UPRT: variants seen among roughly 807,000 people sequenced by gnomAD.
The protein encoded by UPRT is uracil phosphoribosyltransferase homolog.
UPRT carries 5 observed loss-of-function variants against 22.6 expected under a neutral mutation model. That is an observed-to-expected ratio of 0.22 (90% CI 0.12 to 0.47). UPRT has a LOEUF of 0.47. Among genes scored for constraint, UPRT ranks in the 20% least tolerant of loss-of-function variants. The pLI is 0.99. For synonymous variants in UPRT, 77 were observed against 87.7 expected (o/e 0.88, Z 0.68); for missense variants, 181 against 239.9 (o/e 0.75, Z 1.62).
intron 3 of UPRT, among the ~76,000 whole-genome samples, chrX:75,297,007 C>T (rs948692067): frequency 3.6e-5 from 4 of 111,286 alleles, no homozygotes; most frequent in African/African-American, 6.5e-5. Flanking sequence ...CAGGATGAGA[C>T]CAAGAGTTGA....
chrX:75,167,320 T>C (rs2082215667), intron 3 of UPRT, among the ~76,000 whole-genome samples: 1 of 111,872 alleles, frequency 8.9e-6, no homozygotes, highest in African/African-American at 3.2e-5. Flanking sequence ...CATTTATATA[T>C]TCTGATATAA....
intron 4 of UPRT, among the ~76,000 whole-genome samples, chrX:75,177,485 C>T (rs777279917): frequency 4.5e-5 from 5 of 110,663 alleles, no homozygotes; most frequent in Non-Finnish European, 9.5e-5. Flanking sequence ...GACGCATTCT[C>T]AAAAACCTGT....
intron 4 of UPRT, among the ~76,000 whole-genome samples, chrX:75,188,006 G>A (rs1366145479): frequency 8.9e-6 from 1 of 112,059 alleles, no homozygotes; most frequent in African/African-American, 3.2e-5. Context: ...ATCGTCTGAA[G>A]CCTTCTTCTC....
chrX:75,203,332 C>T (rs1209621000), intron 4 of UPRT, among the ~76,000 whole-genome samples: 2 of 111,041 alleles, frequency 1.8e-5, no homozygotes, highest in African/African-American at 6.6e-5. Context: ...ACTCAGACTC[C>T]CATACAATAA....
intron 3 of UPRT, 126 bp from the exon 4 acceptor site, chrX:75,297,365 G>A: frequency 1.8e-6 from 1 of 559,989 alleles, no homozygotes; most frequent in Admixed American, 3.0e-5. Flanking sequence ...GGAATCTCAG[G>A]CATTATACAG....
At chrX:75,161,068 G>T (rs888585240) in intron 2 of UPRT, among the ~76,000 whole-genome samples, 6 of 112,521 alleles carry the variant, frequency 5.3e-5, no homozygotes, top group Non-Finnish European at 1.1e-4. Flanking sequence ...CACAAAATAA[G>T]TAGTTGTTTT....
Position 75,183,267 on chromosome X carries a change from G to A in UPRT, c.-447+15388G>A, listed in dbSNP as rs142367742. The stretch of plus-strand genomic sequence containing the variant: ...AATTCCCACCTGTGAGTGAGAACAT[G>A]TAGTGTTTGGTTTTCTGTCCTTGCG... On this transcript the variant is annotated intron_variant, in intron 4 of 13. Coordinates refer to the UPRT transcript ENST00000652605. Among the ~76,000 whole-genome samples the A allele has an allele frequency of 3.6e-3, 399 of 111,004 alleles. 2 individuals are homozygous for A. The highest frequency in any genetic ancestry group is 0.032 in the Middle Eastern group (7 of 217).
chrX:75,219,033 T>C (rs1324384380), intron 4 of UPRT, among the ~76,000 whole-genome samples: 3 of 110,794 alleles, frequency 2.7e-5, no homozygotes, highest in Admixed American at 9.6e-5. Context: ...AAACTTAAAG[T>C]ATAATAATAA....
At chrX:75,249,385 C>CA (rs759223356) in intron 4 of UPRT, among the ~76,000 whole-genome samples, 5 of 109,953 alleles carry the variant, frequency 4.5e-5, no homozygotes, top group East Asian at 2.8e-4. Context: ...AAATGGAAAA[C>CA]AAAAAAAAGT....
upstream of UPRT, among the ~76,000 whole-genome samples, chrX:75,272,183 C>G (rs755922573): frequency 9.3e-6 from 1 of 106,981 alleles, no homozygotes; most frequent in African/African-American, 3.4e-5. Context: ...GTTGCACACG[C>G]ATGTTTATAG....
At chrX:75,250,770 T>C (rs946243478) in intron 4 of UPRT, among the ~76,000 whole-genome samples, 1 of 111,533 alleles carries the variant, frequency 9.0e-6, no homozygotes, top group African/African-American at 3.3e-5. Context: ...AAAGAGAATT[T>C]TAGACTAATA....
chrX:75,220,908 G>A (rs1310374395), intron 4 of UPRT, among the ~76,000 whole-genome samples: 2 of 111,540 alleles, frequency 1.8e-5, no homozygotes, highest in Admixed American at 9.5e-5. Flanking sequence ...ACTATTATCA[G>A]TGAGTTTTGT....
chrX:75,294,332 C>T (rs1293166325), intron 2 of UPRT, among the ~76,000 whole-genome samples: 2 of 110,212 alleles, frequency 1.8e-5, no homozygotes, highest in African/African-American at 6.6e-5. Flanking sequence ...TTGCGTGAAT[C>T]AGGTATTGTG....
rs1765557541 is a variant in UPRT, at chrX:75,177,374, G to A, written c.-447+9495G>A. Among the ~76,000 whole-genome samples the A allele has an allele frequency of 2.7e-5, 3 of 111,718 alleles. No homozygotes were observed. In the Admixed American group the frequency reaches 2.8e-4, roughly 11 times the overall value. On this transcript the variant is annotated intron_variant, in intron 4 of 13. Transcript: ENST00000652605. ...GGAGGACCGAGGAAGGTCGGATTTA[G>A]TGGTCCTTACCGACGCATTCTTGAA...
intron 4 of UPRT, among the ~76,000 whole-genome samples, chrX:75,193,471 G>T (rs1380169717): frequency 9.0e-6 from 1 of 111,419 alleles, no homozygotes; most frequent in Admixed American, 9.5e-5. Flanking sequence ...GTAGTATTTT[G>T]CAGGGCTTCT....
intron 4 of UPRT, among the ~76,000 whole-genome samples, chrX:75,246,969 A>G (rs1183322218): frequency 1.8e-5 from 2 of 112,216 alleles, no homozygotes; most frequent in East Asian, 5.6e-4. Flanking sequence ...AAAGTGAAAT[A>G]CAGAGAGAGG....
At position 75,182,481 on chromosome X, in the gene UPRT, T is replaced by C. The variant is rs2886843; in HGVS notation, c.-447+14602T>C. ...CTAGAATTCAGCTGTGAATTCTACT[T>C]GTCTTAGGCTGTTTCTGGTTTATAG... On this transcript the variant is annotated intron_variant, in intron 4 of 13. Coordinates refer to the UPRT transcript ENST00000652605. 4.3e-3 allele frequency among the ~76,000 whole-genome samples: 477 copies of C among 110,129 alleles called. 2 individuals are homozygous for C. Among genetic ancestry groups the C allele is most frequent in the African/African-American group, 0.015 (460 of 30,301 alleles).
chrX:75,181,611 T>C (rs754051515), intron 4 of UPRT, among the ~76,000 whole-genome samples: 1 of 111,770 alleles, frequency 8.9e-6, no homozygotes, highest in South Asian at 3.7e-4. Context: ...GTGGCTATTG[T>C]GAATAGAATT....
chrX:75,272,308 ATGTG>A (rs1465940822), upstream of UPRT, among the ~76,000 whole-genome samples: 652 of 13,609 alleles, frequency 0.048, 8 homozygotes, highest in Non-Finnish European at 0.15. Flanking sequence ...GTGTATATAT[ATGTG>A]TATATATACA....
Sources: gnomAD v4.1 joint callset for allele counts (sites outside exome capture counted in the v4.1 genomes callset) on GRCh38, gnomAD v4.1.1 for gene constraint, MANE v1.5 for transcripts, NCBI Gene and HGNC (gene_info 2026-07-23, HGNC 2026-07-21) for gene names.